NALCN: variants seen among roughly 807,000 people sequenced by gnomAD.
NALCN encodes the protein sodium leak channel, non-selective.
In NALCN, 111 loss-of-function variants were observed where a neutral mutation model predicts 225.3. That is an observed-to-expected ratio of 0.49 (90% CI 0.42 to 0.58). The LOEUF is 0.58. Among genes scored for constraint, NALCN ranks in the 20% least tolerant of loss-of-function variants. NALCN has a pLI of 0.00. For missense variants in NALCN, 1,378 were observed against 2,202.4 expected (o/e 0.63, Z 7.49); for synonymous variants, 764 against 769.0 (o/e 0.99, Z 0.11).
intron 18 of NALCN, among the ~76,000 whole-genome samples, chr13:101,113,353 C>T (rs1183469081): frequency 1.3e-5 from 2 of 152,112 alleles, no homozygotes; most frequent in Non-Finnish European, 2.9e-5. Flanking sequence ...GACATTGAGA[C>T]AGGTATAGAA....
chr13:101,207,303 C>T lies in NALCN; in HGVS notation c.1627-15249G>A, dbSNP rs187532723. On this transcript the variant is annotated intron_variant, in intron 13 of 43. Coordinates refer to ENST00000251127, the MANE Select transcript of NALCN (RefSeq NM_052867.4). ...ACCAAATATAGCAAATAAATCTTGT[C>T]CATTTGACATTTTCTTACTGAAATG... 1.1e-4 allele frequency among the ~76,000 whole-genome samples: 16 copies of T among 152,174 alleles called. No homozygotes were observed. The East Asian group carries it at 3.1e-3, about 29-fold the overall frequency.
At chr13:101,220,878 C>T (rs1286152039) in intron 13 of NALCN, among the ~76,000 whole-genome samples, 1 of 151,762 alleles carries the variant, frequency 6.6e-6, no homozygotes, top group Non-Finnish European at 1.5e-5. Context: ...CTTTCTAAGC[C>T]CAGTTGTGTC....
intron 40 of NALCN, among the ~76,000 whole-genome samples, chr13:101,064,626 T>C (rs1303039575): frequency 6.6e-6 from 1 of 151,780 alleles, no homozygotes; most frequent in Non-Finnish European, 1.5e-5. Context: ...ACCAAGCTGA[T>C]GCTTCTACAA....
At chr13:101,078,234 TC>T (rs2033388263) in intron 34 of NALCN, among the ~76,000 whole-genome samples, 1 of 151,234 alleles carries the variant, frequency 6.6e-6, no homozygotes, top group Non-Finnish European at 1.5e-5. Context: ...ACACACAGAG[TC>T]CACACACAGA....
chr13:101,122,902 G>C (rs1198543030), intron 18 of NALCN, among the ~76,000 whole-genome samples: 1 of 152,276 alleles, frequency 6.6e-6, no homozygotes, highest in Admixed American at 6.5e-5. Context: ...AATAAGGCAC[G>C]GCCCCATGGG....
chr13:101,104,385 A>C lies in NALCN; in HGVS notation c.2799T>G (p.Leu933=). The C allele has an allele frequency of 6.2e-7, 1 of 1,613,878 alleles. No individual in the cohort carries two copies. The highest frequency in any genetic ancestry group is 1.1e-5 in the South Asian group (1 of 91,050). ...AGCCATCTGCCATAATCTTCAGATT[A>C]AGCTCAATGCTCATGAATATCACAA... The part of the protein sequence containing the change: ...YVFVIFMSIE[L]NLKIMADGLF... Residue 933 remains leucine, a synonymous_variant, in exon 25 of 44, where the codon CTT becomes CTG. Coordinates refer to ENST00000251127, the MANE Select transcript of NALCN (RefSeq NM_052867.4). The surrounding 1 kb of genome is among the most constrained non-coding windows in gnomAD (Gnocchi z 4.2).
In NALCN at chr13:101,144,650, TAGAA is replaced by T. The variant is rs973409187; in HGVS notation, c.1976+106_1976+109del. On this transcript the variant is annotated intron_variant, in intron 16 of 43. Coordinates refer to ENST00000251127, the MANE Select transcript of NALCN (RefSeq NM_052867.4). ...AGGTAGTAGAAAGATGACAATAAAA[TAGAA>T]AGAAACCCAACCCACATATACTTAA... The T allele has an allele frequency of 1.8e-4, 193 of 1,080,512 alleles. No individual in the cohort carries two copies. The African/African-American group carries it at 2.1e-3, about 12-fold the overall frequency. The allele number at this position is 1,080,512 out of a possible 1,614,324, so 66.9% of individuals were successfully genotyped here. A position where few individuals can be genotyped will look rare whatever the true frequency, so the allele number is the denominator to read the frequency against.
intron 17 of NALCN, among the ~76,000 whole-genome samples, chr13:101,138,924 A>G (rs1342146423): frequency 6.6e-6 from 1 of 152,178 alleles, no homozygotes; most frequent in East Asian, 1.9e-4. Flanking sequence ...TCCTTGAATC[A>G]GGAAGAAAAG....
chr13:101,415,238 T>TATA (rs2047908322), intron 1 of NALCN, among the ~76,000 whole-genome samples: 1 of 149,210 alleles, frequency 6.7e-6, no homozygotes, highest in Non-Finnish European at 1.5e-5. Context: ...TACATATATA[T>TATA]TTCAAAATCG....
chr13:101,082,228 A>G (rs2033694817), intron 33 of NALCN, among the ~76,000 whole-genome samples: 1 of 152,292 alleles, frequency 6.6e-6, no homozygotes, highest in African/African-American at 2.4e-5. Flanking sequence ...TAAAAATAAG[A>G]GTTTATTACC....
chr13:101,263,355 T>C (rs1566502349), intron 10 of NALCN, among the ~76,000 whole-genome samples: 1 of 152,242 alleles, frequency 6.6e-6, no homozygotes, highest in Non-Finnish European at 1.5e-5. Context: ...AAAATTTTTA[T>C]TGTTATTTAG....
At chr13:101,204,628 A>G (rs1010453095) in intron 13 of NALCN, among the ~76,000 whole-genome samples, 7 of 152,148 alleles carry the variant, frequency 4.6e-5, no homozygotes, top group African/African-American at 1.7e-4. Flanking sequence ...TTTCAAGAGT[A>G]AAAGAAAAAA....
rs646643 is a variant in NALCN at position 101,135,848 on chromosome 13, G to T, written c.2118+7232C>A. On this transcript the variant is annotated intron_variant, in intron 17 of 43. Transcript: ENST00000251127. The stretch of plus-strand genomic sequence containing the variant: ...AAAAGTTTAAAAAGAAGAGCAAAAT[G>T]TAAATTTCCAAGATAGATTTAGCAG... 3.9e-3 allele frequency among the ~76,000 whole-genome samples: 592 copies of T among 152,264 alleles called. 6 individuals carry two copies. The highest frequency in any genetic ancestry group is 0.013 in the African/African-American group (560 of 41,544).
In NALCN at chr13:101,402,518, C is replaced by T. The variant is rs1013331615; in HGVS notation, c.-39-3353G>A. Among the ~76,000 whole-genome samples, 7 of 152,300 alleles carry T rather than the reference C, an allele frequency of 4.6e-5. No homozygotes were observed. The East Asian group carries it at 9.6e-4, about 21-fold the overall frequency. On this transcript the variant is annotated intron_variant, in intron 1 of 43. Transcript: ENST00000251127. ...AATATTCCATTTTCTTTAACTGCAGCGCCCTTGCAACACTATGGGTCATTT... is the reference window on the plus strand; with the variant it reads ...AATATTCCATTTTCTTTAACTGCAGTGCCCTTGCAACACTATGGGTCATTT...
Position 101,065,543 on chromosome 13 carries a change from G to T in NALCN, c.4465C>A (p.Arg1489Ser). The change falls in exon 40 of 44, where the codon CGC becomes AGC. Residue 1489 changes from arginine (R) to serine (S), a missense_variant. Transcript: ENST00000251127. ...AGTAGCCGCAGCAGGAACTTGACGC[G>T]GAACGTGGGGATCACCCCCTGCGGG... ...DKREGVIPTF[R>S]VKFLLRLLRG... 1 of 1,613,976 alleles carries T rather than the reference G, an allele frequency of 6.2e-7. No homozygotes were observed. The highest frequency in any genetic ancestry group is 8.5e-7 in the Non-Finnish European group (1 of 1,180,008).
intron 17 of NALCN, among the ~76,000 whole-genome samples, chr13:101,131,881 A>G (rs1456506740): frequency 6.6e-6 from 1 of 152,164 alleles, no homozygotes; most frequent in African/African-American, 2.4e-5. Flanking sequence ...TTTATAGAAG[A>G]AGGCTCCTTA....
intron 13 of NALCN, among the ~76,000 whole-genome samples, chr13:101,210,736 T>C (rs1427682972): frequency 3.9e-5 from 6 of 152,172 alleles, no homozygotes; most frequent in Non-Finnish European, 7.4e-5. Context: ...TGCTAAGACA[T>C]GGGCTTTCCA....
At chr13:101,218,151 A>G (rs1029647850) in intron 13 of NALCN, among the ~76,000 whole-genome samples, 6 of 152,122 alleles carry the variant, frequency 3.9e-5, no homozygotes, top group Non-Finnish European at 8.8e-5. Context: ...TCCTGGTCCT[A>G]AGGAGGAGGC....
chr13:101,220,966 T>C (rs1321192603), intron 13 of NALCN, among the ~76,000 whole-genome samples: 2 of 152,062 alleles, frequency 1.3e-5, no homozygotes, highest in African/African-American at 4.8e-5. Flanking sequence ...TTGTGAAGAA[T>C]AAAAATGTAA....
Sources: gnomAD v4.1 joint callset for allele counts (sites outside exome capture counted in the v4.1 genomes callset) on GRCh38, gnomAD v4.1.1 for gene constraint, Gnocchi (gnomAD v3.1) non-coding constraint, MANE v1.5 for transcripts, NCBI Gene and HGNC (gene_info 2026-07-23, HGNC 2026-07-21) for gene names.